VPS35: variants seen among roughly 807,000 people sequenced by gnomAD.
VPS35 encodes the protein vacuolar protein sorting-associated protein 35.
A neutral mutation model predicts 98.1 loss-of-function variants in VPS35; 21 were observed. The ratio of observed to expected loss-of-function variants is 0.21; its 90% CI spans 0.15 to 0.31. The LOEUF (loss-of-function observed/expected upper bound fraction) is 0.31. VPS35 is among the 10% of genes least tolerant of loss of function. The pLI, the probability that VPS35 is intolerant of heterozygous loss-of-function variation, is 1.00. For synonymous variants in VPS35, 268 were observed against 318.2 expected, an observed-to-expected ratio of 0.84 and a Z score of 1.68; for missense variants, 554 against 950.8, an observed-to-expected ratio of 0.58 and a Z score of 5.49.
chr16:46,658,634 A>G lies in VPS35; in HGVS notation c.*1838T>C, dbSNP rs566858054. 1.5e-4 allele frequency: 23 copies of G among 153,084 alleles called. No homozygotes were observed. The South Asian group carries it at 4.8e-3, about 32-fold the overall frequency. The allele number at this position is 153,084 out of a possible 1,614,324, so 9.5% of individuals were successfully genotyped here. A position where few individuals can be genotyped will look rare whatever the true frequency, so the allele number is the denominator to read the frequency against. ...CTACTATTCCAGTTGTATTTCACAA[A>G]ACATGTAAATAATATGGACATGTCA... is the stretch of plus-strand genomic sequence containing the variant. On this transcript the variant is annotated 3_prime_UTR_variant, in exon 17 of 17. Transcript: ENST00000299138.
At position 46,675,839 on chromosome 16, in the gene VPS35, C is replaced by A. The variant is rs548040319; in HGVS notation, c.914+744G>T. On this transcript the variant is annotated intron_variant, in intron 8 of 16. Coordinates refer to ENST00000299138, the MANE Select transcript of VPS35 (RefSeq NM_018206.6). ...CAGCACTTTGGGAAGCTGAGGCAGG[C>A]AGATCATTTGAGCTCAGGAGTTTGA... 3.8e-4 allele frequency among the ~76,000 whole-genome samples: 57 copies of A among 151,920 alleles called. 2 individuals carry two copies. Among genetic ancestry groups the A allele is most frequent in the African/African-American group, 1.4e-3 (57 of 41,450 alleles).
At chr16:46,684,344 C>T (rs1966280755) in intron 1 of VPS35, among the ~76,000 whole-genome samples, 1 of 152,204 alleles carries the variant, frequency 6.6e-6, no homozygotes, top group African/African-American at 2.4e-5. Context: ...GACTAAGGAA[C>T]TAGTTTACGA....
At chr16:46,669,210 T>C in intron 12 of VPS35, 158 bp from the exon 13 acceptor site, 2 of 910,932 alleles carry the variant, frequency 2.2e-6, no homozygotes, top group South Asian at 3.0e-5. Flanking sequence ...TCTCCTCAAG[T>C]TGTCACAACA....
intron 13 of VPS35, among the ~76,000 whole-genome samples, chr16:46,665,633 C>T (rs1477654934): frequency 6.7e-6 from 1 of 150,330 alleles, no homozygotes; most frequent in Non-Finnish European, 1.5e-5. Context: ...TAGACCTTGG[C>T]ACAGTGGGTG....
At chr16:46,682,305 C>A in intron 2 of VPS35, 130 bp from the exon 3 acceptor site, 2 of 763,032 alleles carry the variant, frequency 2.6e-6, no homozygotes, top group Admixed American at 2.4e-5. Flanking sequence ...ATGATTTTAA[C>A]CACATTAAAA....
intron 8 of VPS35, among the ~76,000 whole-genome samples, chr16:46,675,142 A>G: frequency 6.9e-6 from 1 of 144,452 alleles, no homozygotes; most frequent in Admixed American, 6.9e-5. Context: ...CTTTTTCATC[A>G]GCATTCTTAT....
chr16:46,674,851 C>T (rs979434697), intron 8 of VPS35, among the ~76,000 whole-genome samples, 191 bp from the exon 9 acceptor site: 4 of 151,374 alleles, frequency 2.6e-5, no homozygotes, highest in African/African-American at 7.3e-5. Context: ...AGTGCAGTCA[C>T]GCACTCTCCA....
chr16:46,676,204 G>A (rs180895450), intron 8 of VPS35, among the ~76,000 whole-genome samples: 27 of 151,772 alleles, frequency 1.8e-4, no homozygotes, highest in African/African-American at 6.3e-4. Flanking sequence ...AGTATCTTAC[G>A]GCTACTCTAA....
chr16:46,689,033 T>C, intron 1 of VPS35, 98 bp downstream of exon 1: 1 of 1,563,604 alleles, frequency 6.4e-7, no homozygotes, highest in South Asian at 1.2e-5. Context: ...GAACGGTCTG[T>C]GGGGCCCCTT....
chr16:46,666,552 G>A (rs1965993043), intron 13 of VPS35, among the ~76,000 whole-genome samples: 1 of 152,176 alleles, frequency 6.6e-6, no homozygotes, highest in African/African-American at 2.4e-5. Flanking sequence ...ACAGGCGTGA[G>A]CCCCCACACC....
At chr16:46,687,102 A>T (rs535448488) in intron 1 of VPS35, among the ~76,000 whole-genome samples, 2 of 152,340 alleles carry the variant, frequency 1.3e-5, no homozygotes, top group Admixed American at 6.5e-5. Flanking sequence ...TTCAGTTTAG[A>T]TACAAATAAT....
At chr16:46,682,322 C>T in intron 2 of VPS35, 147 bp from the exon 3 acceptor site, 2 of 672,896 alleles carry the variant, frequency 3.0e-6, no homozygotes, top group Admixed American at 2.6e-5. Flanking sequence ...AAAAAAACAA[C>T]TTAGATCGGT....
chr16:46,679,881 A>T (rs1966207311), intron 5 of VPS35, among the ~76,000 whole-genome samples: 1 of 152,224 alleles, frequency 6.6e-6, no homozygotes. Context: ...TGATGCAGAT[A>T]TATTAAAAAA....
chr16:46,688,732 G>A, intron 1 of VPS35: 1 of 1,190,296 alleles, frequency 8.4e-7, no homozygotes, highest in Non-Finnish European at 1.1e-6. Flanking sequence ...GCGGGTCCCG[G>A]CGCCACCTCC....
chr16:46,672,368 T>C lies in VPS35; in HGVS notation c.1265A>G (p.His422Arg). 2 of 1,613,762 alleles carry C rather than the reference T, an allele frequency of 1.2e-6. No homozygotes were observed. Among genetic ancestry groups the C allele is most frequent in the Non-Finnish European group, 1.7e-6 (2 of 1,179,810 alleles). The change falls in exon 11 of 17, where the codon CAC (histidine) becomes CGC (arginine). Residue 422 changes from histidine to arginine, a missense_variant. Physicochemically the swap from His to Arg is conservative, Grantham distance 29. Around this residue, in one of 5 missense-constraint regions of VPS35, gnomAD observed 254 missense variants for 390.1 expected, o/e 0.65. Coordinates refer to ENST00000299138, the MANE Select transcript of VPS35 (RefSeq NM_018206.6). ...ILTVLKLKHF[H>R]PLFEYFDYES... is the part of the protein sequence containing the mutation. ...GTAGTCAAAGTACTCAAAGAGTGGG[T>C]GAAAATGTTTTAATTTCAAGACTGT...
chr16:46,682,664 T>G (rs1966251830), intron 2 of VPS35: 1 of 158,416 alleles, frequency 6.3e-6, no homozygotes, highest in South Asian at 1.8e-4. Context: ...ATGCAAGCAA[T>G]TCCTTGAGAT....
intron 13 of VPS35, among the ~76,000 whole-genome samples, chr16:46,664,593 C>G (rs1412150529): frequency 6.6e-6 from 1 of 151,596 alleles, no homozygotes; most frequent in Admixed American, 6.6e-5. Context: ...ATGATCTCAG[C>G]TCGCCACAAC....
At chr16:46,678,808 G>T in intron 6 of VPS35, 135 bp downstream of exon 6, 2 of 858,226 alleles carry the variant, frequency 2.3e-6, no homozygotes, top group Non-Finnish European at 3.6e-6. Flanking sequence ...ATATCTTTCC[G>T]TTTAAGTCTT....
chr16:46,677,174 GT>G, intron 7 of VPS35, 140 bp downstream of exon 7: 1 of 770,506 alleles, frequency 1.3e-6, no homozygotes, highest in Non-Finnish European at 2.2e-6. Flanking sequence ...GAGATTACAG[GT>G]GTGAGTCACC....
Sources: gnomAD v4.1 joint callset for allele counts (sites outside exome capture counted in the v4.1 genomes callset) on GRCh38, gnomAD v4.1.1 for gene constraint, gnomAD v4.1.1 regional missense constraint, MANE v1.5 for transcripts, NCBI Gene and HGNC (gene_info 2026-07-23, HGNC 2026-07-21) for gene names.